Variants in NTRK2 observed in about 807,000 individuals in gnomAD.
The protein encoded by NTRK2 is BDNF/NT-3 growth factors receptor.
Under a neutral mutation model 94.5 loss-of-function variants are expected in NTRK2, and 13 were observed. That is an observed-to-expected ratio of 0.14 (90% CI 0.09 to 0.22). NTRK2 has a LOEUF of 0.22. NTRK2 is among the 10% of genes least tolerant of loss of function. The pLI, the probability that NTRK2 is intolerant of heterozygous loss-of-function variation, is 1.00. For missense variants in NTRK2, 639 were observed against 1,071.2 expected (o/e 0.60, Z 5.63); for synonymous variants, 372 against 407.4 (o/e 0.91, Z 1.05).
chr9:84,814,483 C>T (rs2072167844), intron 12 of NTRK2: 3 of 1,065,796 alleles, frequency 2.8e-6, no homozygotes, highest in African/African-American at 3.3e-5. Context: ...GACCCCATGA[C>T]CAACTGAGAA....
chr9:84,724,588 G>A (rs1338320069), intron 8 of NTRK2, among the ~76,000 whole-genome samples: 1 of 152,042 alleles, frequency 6.6e-6, no homozygotes, highest in East Asian at 1.9e-4. Flanking sequence ...TTTTGAGCTT[G>A]TCATTTTGTG....
At chr9:84,873,598 C>G in intron 14 of NTRK2, 1 of 1,052,544 alleles carries the variant, frequency 9.5e-7, no homozygotes, top group Non-Finnish European at 1.1e-6. Context: ...TTTAAAAAAG[C>G]AACTTGAGTT....
Position 85,026,937 on chromosome 9 carries a change from A to T in NTRK2, c.*5500A>T. Reference sequence around the variant, plus strand: ...ACACCTGAATACAGTGTTTAAAAAAAAAAAAGTTTTGTTTGTAAATCATGT... The same window carrying T: ...ACACCTGAATACAGTGTTTAAAAAATAAAAAGTTTTGTTTGTAAATCATGT... On this transcript the variant is annotated 3_prime_UTR_variant, in exon 19 of 19. Transcript: ENST00000277120. 4.3e-6 allele frequency: 1 copy of T among 232,818 alleles called. No homozygotes were observed. Among genetic ancestry groups the T allele is most frequent in the Non-Finnish European group, 8.5e-6 (1 of 117,804 alleles). 14.4% of individuals were successfully genotyped at this position (232,818 alleles called of 1,614,324 possible).
chr9:84,777,008 G>A (rs983910474), intron 12 of NTRK2, among the ~76,000 whole-genome samples: 1 of 152,036 alleles, frequency 6.6e-6, no homozygotes, highest in Non-Finnish European at 1.5e-5. Context: ...TTTATCATTG[G>A]GTTTTAGGAC....
At chr9:84,715,616 G>A (rs1251214471) in intron 6 of NTRK2, among the ~76,000 whole-genome samples, 7 of 152,108 alleles carry the variant, frequency 4.6e-5, no homozygotes, top group African/African-American at 1.4e-4. Context: ...AATTGGAATA[G>A]AGAGGTGCTA....
At position 84,781,581 on chromosome 9, in the gene NTRK2, G is replaced by C. The variant is rs12553964; in HGVS notation, c.1396+29496G>C. 8.1e-3 allele frequency among the ~76,000 whole-genome samples: 1,225 copies of C among 152,010 alleles called. 20 individuals carry two copies. The highest frequency in any genetic ancestry group is 0.044 in the East Asian group (227 of 5,168). ...ATTTCAGTATAACATTCTTAACTTT[G>C]CCGGTTAAAAACAATACCTATTTTC... On this transcript the variant is annotated intron_variant, in intron 12 of 18. Transcript: ENST00000277120.
At chr9:84,981,574 C>T (rs547551681) in intron 17 of NTRK2, among the ~76,000 whole-genome samples, 2 of 152,090 alleles carry the variant, frequency 1.3e-5, no homozygotes, top group East Asian at 3.9e-4. Context: ...TTTATTTGCC[C>T]TGTATTCAAA....
At chr9:84,871,531 T>A (rs2075866432) in intron 14 of NTRK2, among the ~76,000 whole-genome samples, 2 of 152,210 alleles carry the variant, frequency 1.3e-5, no homozygotes, top group South Asian at 4.1e-4. Flanking sequence ...ACAAGCTCAA[T>A]ACTTGCATAG....
chr9:84,705,663 T>C (rs2061004510), intron 4 of NTRK2, among the ~76,000 whole-genome samples: 2 of 152,154 alleles, frequency 1.3e-5, no homozygotes, highest in Admixed American at 1.3e-4. Flanking sequence ...TTTTGGTTTT[T>C]CGTTTGTTTG....
At chr9:84,787,159 G>C (rs144585567) in intron 12 of NTRK2, among the ~76,000 whole-genome samples, 1 of 152,008 alleles carries the variant, frequency 6.6e-6, no homozygotes, top group East Asian at 1.9e-4. Context: ...TTGGCCAGGC[G>C]TGGTGGCAGG....
intron 12 of NTRK2, among the ~76,000 whole-genome samples, chr9:84,837,518 TTAGA>T (rs2073946675): frequency 6.6e-6 from 1 of 152,234 alleles, no homozygotes; most frequent in Admixed American, 6.5e-5. Flanking sequence ...TGTTTGGAAC[TTAGA>T]TAGACCCTCA....
chr9:84,985,583 A>C (rs558899303), intron 17 of NTRK2, among the ~76,000 whole-genome samples: 1 of 152,342 alleles, frequency 6.6e-6, no homozygotes, highest in East Asian at 1.9e-4. Context: ...CTTTGTGCTC[A>C]TTGTTGGTAT....
intron 2 of NTRK2, among the ~76,000 whole-genome samples, chr9:84,696,658 G>A (rs944592688): frequency 6.6e-6 from 1 of 152,188 alleles, no homozygotes; most frequent in African/African-American, 2.4e-5. Flanking sequence ...AGGGTACAAA[G>A]AGTACCTCCC....
intron 14 of NTRK2, among the ~76,000 whole-genome samples, chr9:84,917,883 G>A (rs1367324077): frequency 6.6e-6 from 1 of 152,062 alleles, no homozygotes; most frequent in Non-Finnish European, 1.5e-5. Flanking sequence ...CCACCTCCTG[G>A]GAGGCAGCTT....
intron 17 of NTRK2, among the ~76,000 whole-genome samples, chr9:84,972,343 G>C (rs1826283916): frequency 6.6e-6 from 1 of 152,186 alleles, no homozygotes; most frequent in Non-Finnish European, 1.5e-5. Flanking sequence ...TGTCACTGGA[G>C]GGAAGTGTCC....
intron 2 of NTRK2, among the ~76,000 whole-genome samples, chr9:84,693,626 T>C (rs893197250): frequency 6.6e-6 from 1 of 152,210 alleles, no homozygotes; most frequent in African/African-American, 2.4e-5. Flanking sequence ...TTGAAACTGG[T>C]CTGTTCATTT....
At chr9:84,866,969 C>T (rs1001875706) in intron 13 of NTRK2, among the ~76,000 whole-genome samples, 1 of 152,170 alleles carries the variant, frequency 6.6e-6, no homozygotes, top group Admixed American at 6.5e-5. Context: ...TTACAAAAGA[C>T]CACGTGTTAT....
chr9:84,848,619 T>G (rs2074592564), intron 12 of NTRK2, among the ~76,000 whole-genome samples: 1 of 152,168 alleles, frequency 6.6e-6, no homozygotes, highest in Non-Finnish European at 1.5e-5. Context: ...ACTTATGAGA[T>G]CCACAAGAAA....
chr9:84,777,143 A>G (rs1168264482), intron 12 of NTRK2, among the ~76,000 whole-genome samples: 1 of 152,206 alleles, frequency 6.6e-6, no homozygotes, highest in Non-Finnish European at 1.5e-5. Context: ...AGCCCCTTAC[A>G]GGAAAAGAGA....
Sources: gnomAD v4.1 joint callset for allele counts (sites outside exome capture counted in the v4.1 genomes callset) on GRCh38, gnomAD v4.1.1 for gene constraint, MANE v1.5 for transcripts, NCBI Gene and HGNC (gene_info 2026-07-23, HGNC 2026-07-21) for gene names.